The following HS6ST3 variants were observed in gnomAD, a reference collection of about 807,000 sequenced individuals.
The protein encoded by HS6ST3 is heparan sulfate 6-O-sulfotransferase 3.
In HS6ST3, 12 loss-of-function variants were observed where a neutral mutation model predicts 36.7. The observed-to-expected ratio is 0.33, with a 90% confidence interval of 0.21 to 0.53. The LOEUF (loss-of-function observed/expected upper bound fraction) is 0.53, where lower values mean the gene tolerates loss of function less well. Ranked by LOEUF, HS6ST3 falls within the 20% of genes least tolerant of loss-of-function variation. The pLI, the probability that HS6ST3 is intolerant of heterozygous loss-of-function variation, is 0.95. For missense variants in HS6ST3, 584 were observed against 640.9 expected (o/e 0.91, Z 0.96); for synonymous variants, 240 against 257.5 (o/e 0.93, Z 0.65).
At chr13:96,236,388 C>T (rs1414487743) in intron 1 of HS6ST3, among the ~76,000 whole-genome samples, 3 of 152,056 alleles carry the variant, frequency 2.0e-5, no homozygotes, top group Non-Finnish European at 4.4e-5. Context: ...TCATCCAACC[C>T]CTAGCCTCTT....
intron 1 of HS6ST3, among the ~76,000 whole-genome samples, chr13:96,256,481 AG>A: frequency 6.6e-6 from 1 of 152,186 alleles, no homozygotes; most frequent in Non-Finnish European, 1.5e-5. Context: ...ATGTGCTTAC[AG>A]GGTTTAGTAT....
chr13:96,374,528 C>A (rs1019218873), intron 1 of HS6ST3, among the ~76,000 whole-genome samples: 2 of 152,168 alleles, frequency 1.3e-5, no homozygotes, highest in African/African-American at 4.8e-5. Context: ...TCTTGAGGAC[C>A]TTCAAGTCAT....
At chr13:96,553,718 G>T (rs886110157) in intron 1 of HS6ST3, among the ~76,000 whole-genome samples, 3 of 152,218 alleles carry the variant, frequency 2.0e-5, no homozygotes, top group Non-Finnish European at 4.4e-5. Context: ...GAAGCTTCAG[G>T]TGGTAGTTCC....
intron 1 of HS6ST3, among the ~76,000 whole-genome samples, chr13:96,695,363 T>C (rs1227505349): frequency 1.3e-5 from 2 of 152,312 alleles, no homozygotes; most frequent in Non-Finnish European, 1.5e-5. Context: ...ATCTTACAGG[T>C]GGCCATGAGA....
chr13:96,794,884 G>A (rs1428741343), intron 1 of HS6ST3, among the ~76,000 whole-genome samples: 1 of 152,088 alleles, frequency 6.6e-6, no homozygotes, highest in Non-Finnish European at 1.5e-5. Context: ...AAGAAAATGT[G>A]TCAGTCATGA....
intron 1 of HS6ST3, among the ~76,000 whole-genome samples, chr13:96,284,441 G>C (rs1196049950): frequency 6.6e-6 from 1 of 152,176 alleles, no homozygotes; most frequent in Admixed American, 6.5e-5. Flanking sequence ...ATGTTCAAGG[G>C]CAGGAAGCAT....
At chr13:96,687,209 C>T (rs1874807465) in intron 1 of HS6ST3, among the ~76,000 whole-genome samples, 1 of 151,772 alleles carries the variant, frequency 6.6e-6, no homozygotes, top group Admixed American at 6.6e-5. Flanking sequence ...CCAATTTACA[C>T]ATTCTAGCCC....
chr13:96,700,744 C>A (rs989125284), intron 1 of HS6ST3, among the ~76,000 whole-genome samples: 1 of 152,066 alleles, frequency 6.6e-6, no homozygotes, highest in Non-Finnish European at 1.5e-5. Context: ...GAATTTAATT[C>A]CTTCTGGCTC....
At chr13:96,156,520 G>A (rs1258406959) in intron 1 of HS6ST3, among the ~76,000 whole-genome samples, 2 of 152,184 alleles carry the variant, frequency 1.3e-5, no homozygotes, top group Non-Finnish European at 2.9e-5. Context: ...ATTTCAGAAT[G>A]GTAGAGCTGA....
chr13:96,541,960 A>T (rs2056180120), intron 1 of HS6ST3, among the ~76,000 whole-genome samples: 1 of 152,206 alleles, frequency 6.6e-6, no homozygotes, highest in Non-Finnish European at 1.5e-5. Flanking sequence ...AGTTTAGCAT[A>T]GTGTACATTT....
intron 1 of HS6ST3, among the ~76,000 whole-genome samples, chr13:96,494,423 A>T (rs934086570): frequency 6.6e-6 from 1 of 151,172 alleles, no homozygotes; most frequent in Non-Finnish European, 1.5e-5. Context: ...GGATAGCATT[A>T]GGAGATACAC....
chr13:96,095,863 G>GGGGTGTGTGT (rs2053787778), intron 1 of HS6ST3, among the ~76,000 whole-genome samples: 1 of 140,316 alleles, frequency 7.1e-6, no homozygotes, highest in African/African-American at 2.7e-5. Flanking sequence ...TTATATGACT[G>GGGGTGTGTGT]GTGTGTGTGT....
At chr13:96,302,812 GC>G (rs1259734054) in intron 1 of HS6ST3, among the ~76,000 whole-genome samples, 1 of 152,068 alleles carries the variant, frequency 6.6e-6, no homozygotes, top group East Asian at 1.9e-4. Context: ...AGTTTGCTAA[GC>G]TAGATGATTT....
At chr13:96,290,575 G>A (rs570741023) in intron 1 of HS6ST3, among the ~76,000 whole-genome samples, 98 of 152,138 alleles carry the variant, frequency 6.4e-4, no homozygotes, top group African/African-American at 2.3e-3. Flanking sequence ...CACTGCTCTG[G>A]TCAAAGCTAC....
At chr13:96,770,989 T>C (rs904917071) in intron 1 of HS6ST3, among the ~76,000 whole-genome samples, 1 of 152,174 alleles carries the variant, frequency 6.6e-6, no homozygotes, top group African/African-American at 2.4e-5. Flanking sequence ...ATTTTCTTAA[T>C]CCAGTCTATC....
At chr13:96,819,756 G>A (rs1483298997) in intron 1 of HS6ST3, among the ~76,000 whole-genome samples, 1 of 152,098 alleles carries the variant, frequency 6.6e-6, no homozygotes, top group Non-Finnish European at 1.5e-5. Flanking sequence ...TTGACCTTAA[G>A]AAAATCCTTG....
chr13:96,714,896 A>G (rs1410201813), intron 1 of HS6ST3, among the ~76,000 whole-genome samples: 1 of 151,952 alleles, frequency 6.6e-6, no homozygotes, highest in Non-Finnish European at 1.5e-5. Context: ...TTGTAGAGAC[A>G]GGGTCTTGCT....
At chr13:96,810,159 G>A (rs1015962780) in intron 1 of HS6ST3, among the ~76,000 whole-genome samples, 1 of 152,138 alleles carries the variant, frequency 6.6e-6, no homozygotes, top group Non-Finnish European at 1.5e-5. Context: ...CCAGCCTCCC[G>A]GGCAGCCTGA....
At chr13:96,806,275 G>T (rs891012218) in intron 1 of HS6ST3, among the ~76,000 whole-genome samples, 3 of 152,148 alleles carry the variant, frequency 2.0e-5, no homozygotes, top group Non-Finnish European at 1.5e-5. Context: ...ATCAAAGATC[G>T]ATTAATGCAT....
Sources: gnomAD v4.1 joint callset for allele counts (sites outside exome capture counted in the v4.1 genomes callset) on GRCh38, gnomAD v4.1.1 for gene constraint, MANE v1.5 for transcripts, NCBI Gene and HGNC (gene_info 2026-07-23, HGNC 2026-07-21) for gene names.